Variants in HABP4 observed in about 807,000 individuals in gnomAD.
The protein encoded by HABP4 is intracellular hyaluronan-binding protein 4.
Under a neutral mutation model 44.1 loss-of-function variants are expected in HABP4, and 32 were observed. The observed-to-expected ratio is 0.73, with a 90% CI of 0.55 to 0.97. The LOEUF (loss-of-function observed/expected upper bound fraction) is 0.97. Among genes scored for constraint, HABP4 ranks in the 50% least tolerant of loss-of-function variants. HABP4 has a pLI of 0.00. For missense variants in HABP4, 503 were observed against 561.9 expected, an observed-to-expected ratio of 0.90 and a Z score of 1.06; for synonymous variants, 216 against 218.0, an observed-to-expected ratio of 0.99 and a Z score of 0.08.
At chr9:96,454,048 G>A (rs993315707) in intron 1 of HABP4, among the ~76,000 whole-genome samples, 1 of 152,160 alleles carries the variant, frequency 6.6e-6, no homozygotes, top group Non-Finnish European at 1.5e-5. Flanking sequence ...GTAGCCAATT[G>A]TATTTAACAG....
intron 1 of HABP4, among the ~76,000 whole-genome samples, chr9:96,456,907 TA>T (rs1169423543): frequency 6.8e-6 from 1 of 146,034 alleles, no homozygotes; most frequent in African/African-American, 2.5e-5. Flanking sequence ...CTATAGTAAA[TA>T]TTGCACATAG....
intron 7 of HABP4, 123 bp from the exon 8 acceptor site, chr9:96,489,859 C>A: frequency 1.4e-6 from 1 of 733,328 alleles, no homozygotes; most frequent in East Asian, 2.5e-5. Flanking sequence ...CTCCCCTTCC[C>A]ACTGTGGGTC....
chr9:96,456,298 G>A (rs1251612822), intron 1 of HABP4, among the ~76,000 whole-genome samples: 1 of 152,096 alleles, frequency 6.6e-6, no homozygotes, highest in South Asian at 2.1e-4. Context: ...TGTTAGTGAT[G>A]TCATAAACAT....
At chr9:96,470,892 C>T in intron 4 of HABP4, 119 bp from the exon 5 acceptor site, 1 of 589,740 alleles carries the variant, frequency 1.7e-6, no homozygotes, top group South Asian at 1.9e-5. Context: ...GAGACTCAGT[C>T]TCAAAAAAAA....
intron 2 of HABP4, among the ~76,000 whole-genome samples, chr9:96,460,985 G>A (rs1169397067): frequency 6.6e-6 from 1 of 152,144 alleles, no homozygotes; most frequent in Non-Finnish European, 1.5e-5. Context: ...GCAAAAGGAA[G>A]GAAAATAACA....
chr9:96,466,900 T>G (rs575451026), intron 4 of HABP4, among the ~76,000 whole-genome samples: 1 of 152,134 alleles, frequency 6.6e-6, no homozygotes, highest in Non-Finnish European at 1.5e-5. Flanking sequence ...GCTTCCACTT[T>G]TCTTCTTTTG....
At chr9:96,451,125 G>C (rs996644529) in intron 1 of HABP4, among the ~76,000 whole-genome samples, 1 of 152,204 alleles carries the variant, frequency 6.6e-6, no homozygotes, top group Non-Finnish European at 1.5e-5. Context: ...GTGACGTCGG[G>C]GCCCGGGCGG....
At position 96,450,471 on chromosome 9, in the gene HABP4, G is replaced by A. The variant is rs1832248756; in HGVS notation, c.192G>A (p.Ala64=). Residue 64 remains alanine (A), a synonymous_variant, in exon 1 of 8, where the codon GCG becomes GCA. Transcript: ENST00000375249. This position sits in a 1 kb window ranked among gnomAD's most constrained non-coding sequence, Gnocchi z 4.8. ...AGAGGCGCGACGAGGCGGCGGCGGC[G>A]GCCGGGGCCGGTCCCCGCGGCGGCA... The part of the protein sequence containing the change: ...QRKRRDEAAA[A]AGAGPRGGRS... 8.2e-7 allele frequency: 1 copy of A among 1,220,740 alleles called. No individual in the cohort carries two copies. Among genetic ancestry groups the A allele is most frequent in the East Asian group, 3.4e-5 (1 of 29,202 alleles). 75.6% of individuals were successfully genotyped at this position (1,220,740 alleles called of 1,614,324 possible).
At chr9:96,451,391 C>G in intron 1 of HABP4, 4 of 719,934 alleles carry the variant, frequency 5.6e-6, no homozygotes, top group Non-Finnish European at 6.8e-6. Context: ...GAGGGTGCTT[C>G]AGAGTTCATT....
chr9:96,465,690 A>T lies in HABP4; in HGVS notation c.675-20A>T. ...TGGAGACTAGCTTCTGGTTTAAGGG[A>T]CTATTCTTTCTTTCCGTAGAGCAGT... On this transcript the variant is annotated intron_variant, in intron 3 of 7. Transcript: ENST00000375249. 6.5e-7 allele frequency: 1 copy of T among 1,536,782 alleles called. No homozygotes were observed. The highest frequency in any genetic ancestry group is 9.0e-7 in the Non-Finnish European group (1 of 1,109,684).
At chr9:96,487,662 A>G (rs71499956) in intron 6 of HABP4, among the ~76,000 whole-genome samples, 3,881 of 151,828 alleles carry the variant, frequency 0.026, 73 homozygotes, top group Middle Eastern at 0.051. Context: ...GCATTTGTGA[A>G]CAGATAAGAC....
At chr9:96,457,893 A>G (rs760771891) in intron 1 of HABP4, among the ~76,000 whole-genome samples, 17 of 152,220 alleles carry the variant, frequency 1.1e-4, no homozygotes, top group Admixed American at 7.2e-4. Context: ...TTAAGTAAAT[A>G]AATTAAAAAA....
intron 1 of HABP4, among the ~76,000 whole-genome samples, chr9:96,452,415 C>G (rs1201946807): frequency 2.0e-5 from 3 of 151,982 alleles, no homozygotes; most frequent in Non-Finnish European, 4.4e-5. Context: ...CATTTATATA[C>G]ATAAATGCAC....
At position 96,450,378 on chromosome 9, in the gene HABP4, C is replaced by A. The variant is rs888294077; in HGVS notation, c.99C>A (p.Asp33Glu). 8 of 1,403,744 alleles carry A rather than the reference C, an allele frequency of 5.7e-6. No individual in the cohort carries two copies. Among genetic ancestry groups the A allele is most frequent in the Admixed American group, 2.4e-5 (1 of 41,474 alleles). The allele number at this position is 1,403,744 out of a possible 1,614,324, so 87.0% of individuals were successfully genotyped here. A position where few individuals can be genotyped will look rare whatever the true frequency, so the allele number is the denominator to read the frequency against. ...VVANRFHQLL[D>E]DESDPFDILR... Reference sequence around the variant, plus strand: ...CCAACCGCTTCCATCAGCTGCTGGACGACGAGTCGGACCCGTTCGACATCC... The same window carrying A: ...CCAACCGCTTCCATCAGCTGCTGGAAGACGAGTCGGACCCGTTCGACATCC... Residue 33 changes from aspartate to glutamate, a missense_variant, in exon 1 of 8, where the codon GAC becomes GAA. Asp to Glu is a conservative substitution (Grantham distance 45, BLOSUM62 2). Around this residue, in one of 3 missense-constraint regions of HABP4, gnomAD observed 290 missense variants for 300.5 expected, o/e 0.97. Coordinates refer to ENST00000375249, the MANE Select transcript of HABP4 (RefSeq NM_014282.4). This position sits in a 1 kb window ranked among gnomAD's most constrained non-coding sequence, Gnocchi z 4.8.
chr9:96,452,989 C>A (rs556079355), intron 1 of HABP4, among the ~76,000 whole-genome samples: 1 of 122,434 alleles, frequency 8.2e-6, no homozygotes, highest in African/African-American at 3.2e-5. Context: ...GGCATGATCT[C>A]GGTTCACTGC....
chr9:96,477,929 A>G (rs1017361356), intron 5 of HABP4, among the ~76,000 whole-genome samples: 28 of 152,152 alleles, frequency 1.8e-4, no homozygotes, highest in Admixed American at 1.8e-3. Context: ...TGCAGTTGCT[A>G]TAATTTTATA....
chr9:96,473,700 C>G (rs182072872), intron 5 of HABP4, among the ~76,000 whole-genome samples: 1 of 152,300 alleles, frequency 6.6e-6, no homozygotes, highest in Admixed American at 6.5e-5. Flanking sequence ...CACCATGAGG[C>G]CTTTATTTCA....
chr9:96,450,654 G>A lies in HABP4; in HGVS notation c.349+26G>A. On this transcript the variant is annotated intron_variant, in intron 1 of 7. Transcript: ENST00000375249. This position sits in a 1 kb window ranked among gnomAD's most constrained non-coding sequence, Gnocchi z 4.8. ...GTACGCGGGGACAGCGGGGTTAGCG[G>A]ACCACGGCTCGGCCCGCTGTGAGAC... is the stretch of plus-strand genomic sequence containing the variant. 8.0e-7 allele frequency: 1 copy of A among 1,254,578 alleles called. No homozygotes were observed. Among genetic ancestry groups the A allele is most frequent in the Non-Finnish European group, 1.0e-6 (1 of 998,616 alleles). The allele number at this position is 1,254,578 out of a possible 1,614,324, so 77.7% of individuals were successfully genotyped here.
Position 96,480,000 on chromosome 9 carries a change from C to G in HABP4, c.828-4462C>G, listed in dbSNP as rs182926489. On this transcript the variant is annotated intron_variant, in intron 5 of 7. Transcript: ENST00000375249. Reference sequence around the variant, plus strand: ...AGGCAACAAGTGAGACCCTCCCCCACCCAGTCTCTACAAAAAATACAAAAA... The same window carrying G: ...AGGCAACAAGTGAGACCCTCCCCCAGCCAGTCTCTACAAAAAATACAAAAA... 7.2e-5 allele frequency among the ~76,000 whole-genome samples: 11 copies of G among 152,050 alleles called. No homozygotes were observed. The East Asian group carries it at 2.1e-3, about 29-fold the overall frequency.
Sources: gnomAD v4.1 joint callset for allele counts (sites outside exome capture counted in the v4.1 genomes callset) on GRCh38, gnomAD v4.1.1 for gene constraint, gnomAD v4.1.1 regional missense constraint, Gnocchi (gnomAD v3.1) non-coding constraint, MANE v1.5 for transcripts, NCBI Gene and HGNC (gene_info 2026-07-23, HGNC 2026-07-21) for gene names.